TACC2: variants seen among roughly 807,000 people sequenced by gnomAD.
TACC2 encodes transforming acidic coiled-coil containing protein 2.
In TACC2, 137 loss-of-function variants were observed where a neutral mutation model predicts 227.3. The ratio of observed to expected loss-of-function variants is 0.60; its 90% confidence interval spans 0.52 to 0.69. TACC2 has a LOEUF of 0.69. TACC2 is among the 30% of genes least tolerant of loss of function. The pLI, the probability that TACC2 is intolerant of heterozygous loss-of-function variation, is 0.00. For missense variants in TACC2, 3,470 were observed against 3,694.4 expected, an observed-to-expected ratio of 0.94 and a Z score of 1.57; for synonymous variants, 1,523 against 1,487.5, an observed-to-expected ratio of 1.02 and a Z score of -0.55.
intron 1 of TACC2, among the ~76,000 whole-genome samples, chr10:121,991,787 G>A (rs1953036664): frequency 6.6e-6 from 1 of 152,178 alleles, no homozygotes; most frequent in Admixed American, 6.5e-5. Flanking sequence ...TTTTCATGCT[G>A]CCGATAAAGA....
chr10:122,026,712 C>T (rs377319666), intron 2 of TACC2, among the ~76,000 whole-genome samples: 35 of 148,704 alleles, frequency 2.4e-4, no homozygotes, highest in Middle Eastern at 6.8e-3. Context: ...GAATGTCATA[C>T]GGTTGGATCC....
intron 8 of TACC2, among the ~76,000 whole-genome samples, chr10:122,204,430 C>T (rs74159088): frequency 0.082 from 12,401 of 152,098 alleles, 1,527 homozygotes; most frequent in African/African-American, 0.27. Flanking sequence ...GCCCCTTGGT[C>T]GGCAGCCCAC....
intron 1 of TACC2, among the ~76,000 whole-genome samples, chr10:121,998,952 T>C (rs2135014736): frequency 6.6e-6 from 1 of 152,162 alleles, no homozygotes; most frequent in South Asian, 2.1e-4. Flanking sequence ...CTCAGTTACA[T>C]GTGAAAGGAC....
intron 3 of TACC2, among the ~76,000 whole-genome samples, chr10:122,074,205 T>A (rs1482660986): frequency 6.6e-6 from 1 of 151,790 alleles, no homozygotes; most frequent in South Asian, 2.1e-4. Flanking sequence ...CTCAGCCTCC[T>A]GAGTAGCTGG....
intron 8 of TACC2, among the ~76,000 whole-genome samples, chr10:122,197,829 G>A (rs1304546803): frequency 3.3e-5 from 5 of 152,216 alleles, no homozygotes; most frequent in Non-Finnish European, 7.3e-5. Flanking sequence ...GCCCTGGTTA[G>A]AAAACCGCCT....
intron 1 of TACC2, among the ~76,000 whole-genome samples, chr10:122,003,485 A>G (rs1188840510): frequency 2.0e-5 from 3 of 152,128 alleles, no homozygotes; most frequent in Non-Finnish European, 4.4e-5. Flanking sequence ...TTTTGCTGTC[A>G]TTATAAAACT....
chr10:122,237,181 C>G (rs1442734558), intron 16 of TACC2, among the ~76,000 whole-genome samples: 2 of 152,188 alleles, frequency 1.3e-5, no homozygotes, highest in Non-Finnish European at 2.9e-5. Flanking sequence ...CCATTAGCCC[C>G]TTTGTCTGCC....
chr10:122,004,612 G>T (rs1337332868), intron 1 of TACC2, among the ~76,000 whole-genome samples: 2 of 152,052 alleles, frequency 1.3e-5, no homozygotes, highest in Non-Finnish European at 2.9e-5. Flanking sequence ...CTCAGCACAG[G>T]AGGACCTTTT....
At chr10:122,103,457 G>A (rs970772619) in intron 5 of TACC2, among the ~76,000 whole-genome samples, 1 of 152,190 alleles carries the variant, frequency 6.6e-6, no homozygotes, top group Non-Finnish European at 1.5e-5. Context: ...TTAGCAGAGG[G>A]CCATCTTTGT....
chr10:122,252,598 C>T (rs913737701), intron 22 of TACC2, among the ~76,000 whole-genome samples: 4 of 151,722 alleles, frequency 2.6e-5, no homozygotes, highest in African/African-American at 9.7e-5. Context: ...TCAAGCGATT[C>T]TCCTGCCTCA....
chr10:122,212,928 A>G (rs1263206634), intron 9 of TACC2, among the ~76,000 whole-genome samples: 1 of 147,570 alleles, frequency 6.8e-6, no homozygotes, highest in Non-Finnish European at 1.5e-5. Flanking sequence ...GCTAGACTGC[A>G]AGGCCGTGCT....
intron 5 of TACC2, among the ~76,000 whole-genome samples, chr10:122,106,974 C>T (rs1408895897): frequency 6.6e-6 from 1 of 152,240 alleles, no homozygotes. Flanking sequence ...ATGACAATGT[C>T]AAGAGGCAGG....
Position 122,180,229 on chromosome 10 carries a change from C to T in TACC2, c.5835-14811C>T, listed in dbSNP as rs557751907. 6.6e-6 allele frequency among the ~76,000 whole-genome samples: 1 copy of T among 152,298 alleles called. No homozygotes were observed. Among genetic ancestry groups the T allele is most frequent in the East Asian group, 1.9e-4 (1 of 5,178 alleles). ...TTCTCCTCGTTGCCTGCTTTGTTTTCTTAAATGGCCTGAAGCCCATTCCTT... is the reference window on the plus strand; with the variant it reads ...TTCTCCTCGTTGCCTGCTTTGTTTTTTTAAATGGCCTGAAGCCCATTCCTT... On this transcript the variant is annotated intron_variant, in intron 7 of 22. Coordinates refer to ENST00000369005, the MANE Select transcript of TACC2 (RefSeq NM_206862.4). This position sits in a 1 kb window ranked among gnomAD's most constrained non-coding sequence, Gnocchi z 4.5.
intron 16 of TACC2, among the ~76,000 whole-genome samples, chr10:122,236,418 G>A (rs1263474538): frequency 2.6e-5 from 4 of 152,182 alleles, no homozygotes; most frequent in Non-Finnish European, 5.9e-5. Context: ...CCATGACAGC[G>A]CCACGAGGTT....
intron 3 of TACC2, among the ~76,000 whole-genome samples, chr10:122,065,756 G>A (rs1225843762): frequency 3.9e-5 from 6 of 152,074 alleles, no homozygotes; most frequent in Admixed American, 2.6e-4. Flanking sequence ...TTCAGTTCTA[G>A]CAGTTTTTGC....
chr10:122,135,258 C>T (rs1055908667), intron 6 of TACC2, among the ~76,000 whole-genome samples: 8 of 152,148 alleles, frequency 5.3e-5, no homozygotes, highest in Non-Finnish European at 1.2e-4. Flanking sequence ...GTCCTGGGGC[C>T]CCGCCTGTAT....
rs1205602073 is a variant in TACC2 at position 122,180,665 on chromosome 10, CTT to C, written c.5835-14370_5835-14369del. Among the ~76,000 whole-genome samples, 1 of 151,456 alleles carries C rather than the reference CTT, an allele frequency of 6.6e-6. No homozygotes were observed. The highest frequency in any genetic ancestry group is 1.5e-5 in the Non-Finnish European group (1 of 67,850). On this transcript the variant is annotated intron_variant, in intron 7 of 22. Transcript: ENST00000369005. The surrounding 1 kb of genome is among the most constrained non-coding windows in gnomAD (Gnocchi z 4.5). ...TTCCCTCGAGTTCTAATGACTGACTCTTTTTTCACTCTTCATGTCTCAGCTTT... is the reference window on the plus strand; with the variant it reads ...TTCCCTCGAGTTCTAATGACTGACTCTTTTCACTCTTCATGTCTCAGCTTT...
Position 122,249,120 on chromosome 10 carries a change from A to G in TACC2, c.8624A>G (p.Gln2875Arg). The G allele has an allele frequency of 1.2e-6, 2 of 1,612,964 alleles. No individual in the cohort carries two copies. Among genetic ancestry groups the G allele is most frequent in the Non-Finnish European group, 1.7e-6 (2 of 1,179,830 alleles). ...GTGAAGAAGGAGGAGCAGAGGTACC[A>G]GGCCCTGAAGGTGCACGCGGAGGAG... ...SRVKKEEQRY[Q>R]ALKVHAEEKL... Residue 2875 changes from glutamine (Q) to arginine (R), a missense_variant, in exon 21 of 23, where the codon CAG (glutamine) becomes CGG (arginine). Transcript: ENST00000369005.
rs1359759378 is a variant in TACC2 at position 122,211,018 on chromosome 10, G to T, written c.6593G>T (p.Gly2198Val). The change falls in exon 9 of 23, where the codon GGG (glycine) becomes GTG (valine). Residue 2198 changes from glycine (G) to valine (V), a missense_variant. Physicochemically the swap from Gly to Val is moderately radical, Grantham distance 109. Transcript: ENST00000369005. ...GAGACGCCCCTTGAGCCCGCTGTGG[G>T]GCCCAAAGCTGCCTGCCCTCTGGAC... ...LEETPLEPAV[G>V]PKAACPLDSE... 6.2e-7 allele frequency: 1 copy of T among 1,611,578 alleles called. No individual in the cohort carries two copies. Among genetic ancestry groups the T allele is most frequent in the East Asian group, 2.2e-5 (1 of 44,846 alleles).
Sources: allele counts gnomAD v4.1 joint callset (sites outside exome capture counted in the v4.1 genomes callset), GRCh38; gene constraint gnomAD v4.1.1; non-coding constraint Gnocchi (gnomAD v3.1); transcripts MANE v1.5; gene names NCBI Gene and HGNC (gene_info 2026-07-23, HGNC 2026-07-21).